Variants in TMF1 observed in about 807,000 individuals in gnomAD.
TMF1 encodes the protein TATA element modulatory factor.
A neutral mutation model predicts 126.5 loss-of-function variants in TMF1; 71 were observed. The ratio of observed to expected loss-of-function variants is 0.56; its 90% CI spans 0.46 to 0.68. The LOEUF is 0.68. TMF1 is among the 30% of genes least tolerant of loss of function. The pLI is 0.00. For synonymous variants in TMF1, 461 were observed against 430.5 expected (o/e 1.07, Z -0.88); for missense variants, 1,259 against 1,253.2 (o/e 1.00, Z -0.07).
rs755115899 is a variant in TMF1, at chr3:69,024,178, T to C, written c.3015A>G (p.Leu1005=). The change falls in exon 16 of 17, where the codon CTA becomes CTG. Residue 1005 remains leucine, a splice_region_variant and synonymous_variant. Coordinates refer to ENST00000398559, the MANE Select transcript of TMF1 (RefSeq NM_007114.3). ...GAGTTTTTTCTAGATTGCCAATTTC[T>C]AGCTGAGAAGCATTACCACAAAATA... The part of the protein sequence containing the change: ...LREGEITHLQ[L]EIGNLEKTRS... 45 of 1,602,502 alleles carry C rather than the reference T, an allele frequency of 2.8e-5. 1 individual carries two copies. Among genetic ancestry groups the C allele is most frequent in the Middle Eastern group, 3.3e-4 (2 of 6,056 alleles).
rs374966644 is a variant in TMF1 at position 69,048,653 on chromosome 3, A to G, written c.143-91T>C. On this transcript the variant is annotated intron_variant, in intron 1 of 16. Coordinates refer to ENST00000398559, the MANE Select transcript of TMF1 (RefSeq NM_007114.3). ...TATAAATCAGTATAAATATAAATTT[A>G]GAAAAAATACCCTATGAAATACCTG... The G allele has an allele frequency of 5.8e-5, 69 of 1,189,614 alleles. No individual in the cohort carries two copies. The African/African-American group carries it at 1.0e-3, about 17-fold the overall frequency. 73.7% of individuals were successfully genotyped at this position (1,189,614 alleles called of 1,614,324 possible).
chr3:69,035,784 T>C (rs1356688305), intron 8 of TMF1, among the ~76,000 whole-genome samples: 1 of 152,056 alleles, frequency 6.6e-6, no homozygotes, highest in South Asian at 2.1e-4. Flanking sequence ...ATTTCTAATA[T>C]ACTATTAAAT....
chr3:69,044,272 A>C (rs1164707170), intron 3 of TMF1, among the ~76,000 whole-genome samples: 1 of 152,202 alleles, frequency 6.6e-6, no homozygotes, highest in Non-Finnish European at 1.5e-5. Context: ...AAACGAAAGG[A>C]AAGAGTTTTC....
intron 1 of TMF1, among the ~76,000 whole-genome samples, chr3:69,051,421 G>A (rs552667261): frequency 5.9e-5 from 9 of 152,278 alleles, no homozygotes; most frequent in African/African-American, 1.9e-4. Context: ...GTTGCAGTGA[G>A]CCGAGATCGC....
intron 16 of TMF1, 47 bp from the exon 17 acceptor site, chr3:69,023,367 A>G (rs749492783): frequency 6.9e-7 from 1 of 1,458,512 alleles, no homozygotes; most frequent in Non-Finnish European, 9.4e-7. Context: ...TACACAGAAC[A>G]TCTTTAATAT....
chr3:69,029,418 G>T (rs946320537), intron 11 of TMF1, among the ~76,000 whole-genome samples: 1 of 150,664 alleles, frequency 6.6e-6, no homozygotes, highest in African/African-American at 2.4e-5. Flanking sequence ...AAAAGCCAAC[G>T]ACATACTTTG....
intron 2 of TMF1, among the ~76,000 whole-genome samples, chr3:69,046,218 T>A (rs969003938): frequency 6.6e-6 from 1 of 152,318 alleles, no homozygotes; most frequent in East Asian, 1.9e-4. Context: ...ATGCTTGGAA[T>A]GTCTAATTCC....
intron 13 of TMF1, among the ~76,000 whole-genome samples, chr3:69,026,760 A>G (rs2091769808): frequency 6.6e-6 from 1 of 151,574 alleles, no homozygotes; most frequent in Non-Finnish European, 1.5e-5. Context: ...GTTTCTGTTA[A>G]GCTTCATATT....
chr3:69,051,449 T>C (rs1271203497), intron 1 of TMF1, among the ~76,000 whole-genome samples: 2 of 152,162 alleles, frequency 1.3e-5, no homozygotes, highest in African/African-American at 4.8e-5. Context: ...CACTCCAGCC[T>C]GGGCGACGGA....
chr3:69,028,333 A>T, intron 11 of TMF1, 38 bp from the exon 12 acceptor site: 1 of 1,433,994 alleles, frequency 7.0e-7, no homozygotes. Context: ...ACAGAAAATG[A>T]AAAAGATGCT....
intron 10 of TMF1, among the ~76,000 whole-genome samples, chr3:69,033,223 G>A (rs1279007320): frequency 2.7e-5 from 4 of 146,466 alleles, no homozygotes; most frequent in East Asian, 2.0e-4. Context: ...GCAGTGAGCC[G>A]AGATCGCGCC....
At position 69,023,173 on chromosome 3, in the gene TMF1, C is replaced by A. The variant is rs1466969019; in HGVS notation, c.*4G>T. 1 of 1,606,364 alleles carries A rather than the reference C, an allele frequency of 6.2e-7. No homozygotes were observed. Among genetic ancestry groups the A allele is most frequent in the Non-Finnish European group, 8.5e-7 (1 of 1,175,464 alleles). On this transcript the variant is annotated 3_prime_UTR_variant, in exon 17 of 17. Transcript: ENST00000398559. ...CAGTTTGATGGGAATTCAATTTTCA[C>A]AAGTTAACTGAGACTTTGTCTTAAA...
chr3:69,040,739 T>C (rs1467230983), intron 5 of TMF1, among the ~76,000 whole-genome samples: 1 of 152,042 alleles, frequency 6.6e-6, no homozygotes, highest in African/African-American at 2.4e-5. Flanking sequence ...CTGGCCAACA[T>C]GGTGAAACCC....
At chr3:69,043,667 C>T (rs1355240276) in intron 4 of TMF1, 83 bp downstream of exon 4, 1 of 1,275,986 alleles carries the variant, frequency 7.8e-7, no homozygotes, top group Non-Finnish European at 1.1e-6. Context: ...CTCTTTTTTC[C>T]AATATCAAAA....
chr3:69,040,005 T>C (rs1010020314), intron 5 of TMF1, among the ~76,000 whole-genome samples: 3 of 152,346 alleles, frequency 2.0e-5, no homozygotes, highest in Admixed American at 6.5e-5. Flanking sequence ...CCAATTGTAG[T>C]ACAGCCTGAC....
chr3:69,023,723 T>C (rs1377203547), intron 16 of TMF1, among the ~76,000 whole-genome samples: 3 of 152,138 alleles, frequency 2.0e-5, no homozygotes, highest in Admixed American at 2.0e-4. Context: ...CAGTGTCTTC[T>C]AACATCCAGA....
At chr3:69,025,779 G>C in intron 14 of TMF1, 67 bp from the exon 15 acceptor site, 1 of 1,518,578 alleles carries the variant, frequency 6.6e-7, no homozygotes, top group Non-Finnish European at 8.9e-7. Context: ...TACCAGGTTC[G>C]AACAAAAATG....
At chr3:69,033,020 G>T (rs2091812063) in intron 10 of TMF1, among the ~76,000 whole-genome samples, 1 of 151,992 alleles carries the variant, frequency 6.6e-6, no homozygotes, top group South Asian at 2.1e-4. Flanking sequence ...AATCATATAT[G>T]ATCTCTACCT....
At chr3:69,044,725 C>G (rs1460677379) in intron 2 of TMF1, 130 bp from the exon 3 acceptor site, 2 of 548,146 alleles carry the variant, frequency 3.6e-6, no homozygotes, top group African/African-American at 3.8e-5. Flanking sequence ...GTATTAGGAA[C>G]ACAGAAGATC....
Sources: gnomAD v4.1 joint callset for allele counts (sites outside exome capture counted in the v4.1 genomes callset) on GRCh38, gnomAD v4.1.1 for gene constraint, MANE v1.5 for transcripts, NCBI Gene and HGNC (gene_info 2026-07-23, HGNC 2026-07-21) for gene names.